The following STRN variants were observed in gnomAD, a reference collection of about 807,000 sequenced individuals.
STRN encodes striatin, also known as protein phosphatase 2 regulatory subunit B'''alpha.
In STRN, 53 loss-of-function variants were observed where a neutral mutation model predicts 96.3. The observed-to-expected ratio is 0.55, with a 90% confidence interval of 0.44 to 0.69. The LOEUF (loss-of-function observed/expected upper bound fraction) is 0.69, where lower values mean the gene tolerates loss of function less well. Ranked by LOEUF, STRN falls within the 30% of genes least tolerant of loss-of-function variation. The pLI, the probability that STRN is intolerant of heterozygous loss-of-function variation, is 0.00. For synonymous variants in STRN, 428 were observed against 355.9 expected, an observed-to-expected ratio of 1.20 and a Z score of -2.28; for missense variants, 987 against 963.9, an observed-to-expected ratio of 1.02 and a Z score of -0.32.
rs1486794295 is a variant in STRN, at chr2:36,869,680, G to A, written c.1373C>T (p.Thr458Ile). 2 of 1,611,466 alleles carry A rather than the reference G, an allele frequency of 1.2e-6. No individual in the cohort carries two copies. Among genetic ancestry groups the A allele is most frequent in the Non-Finnish European group, 1.7e-6 (2 of 1,178,882 alleles). Residue 458 changes from threonine to isoleucine, a missense_variant, in exon 11 of 18, where the codon ACA (threonine) becomes ATA (isoleucine). By Grantham distance (89) the Thr-to-Ile change is moderately conservative (BLOSUM62 -1). Transcript: ENST00000263918. ...GATGCCATCAAAGTGACTTCTCAATGTAAACTTAGGGTTCCATGTCTTCCT... is the reference window on the plus strand; with the variant it reads ...GATGCCATCAAAGTGACTTCTCAATATAAACTTAGGGTTCCATGTCTTCCT... ...ALRKTWNPKF[T>I]LRSHFDGIRA...
At chr2:36,964,914 G>C (rs1665122039) in intron 1 of STRN, among the ~76,000 whole-genome samples, 1 of 152,138 alleles carries the variant, frequency 6.6e-6, no homozygotes, top group Admixed American at 6.6e-5. Flanking sequence ...CAATACACAG[G>C]TGCTGAATAA....
At chr2:36,903,759 C>T (rs1465461908) in intron 4 of STRN, among the ~76,000 whole-genome samples, 1 of 152,274 alleles carries the variant, frequency 6.6e-6, no homozygotes, top group Non-Finnish European at 1.5e-5. Context: ...AATCAAGATG[C>T]TCATTTTTCA....
At chr2:36,861,066 T>C in intron 13 of STRN, 66 bp downstream of exon 13, 4 of 1,580,198 alleles carry the variant, frequency 2.5e-6, no homozygotes, top group Non-Finnish European at 3.4e-6. Flanking sequence ...CTTCCTTTTA[T>C]ATTCTATGAA....
chr2:36,922,904 G>C (rs1287079929), intron 2 of STRN, among the ~76,000 whole-genome samples: 2 of 152,182 alleles, frequency 1.3e-5, no homozygotes, highest in African/African-American at 4.8e-5. Context: ...AGCACTTTGG[G>C]AGGCTGAGGC....
At chr2:36,850,635 T>C (rs945937056) in intron 16 of STRN, among the ~76,000 whole-genome samples, 1 of 152,232 alleles carries the variant, frequency 6.6e-6, no homozygotes, top group Non-Finnish European at 1.5e-5. Flanking sequence ...AATGACCATA[T>C]GCCTCTATTT....
intron 3 of STRN, among the ~76,000 whole-genome samples, chr2:36,907,168 A>T (rs1011509114): frequency 2.0e-5 from 3 of 152,162 alleles, no homozygotes; most frequent in African/African-American, 7.2e-5. Context: ...CCTTGATCAA[A>T]CTCTAAAAAA....
chr2:36,862,667 C>T (rs538896165), intron 12 of STRN, among the ~76,000 whole-genome samples: 1 of 152,090 alleles, frequency 6.6e-6, no homozygotes, highest in South Asian at 2.1e-4. Flanking sequence ...TGTCTGTTGG[C>T]CGCATGTATG....
intron 1 of STRN, among the ~76,000 whole-genome samples, chr2:36,958,789 A>G (rs746226549): frequency 4.4e-4 from 67 of 152,228 alleles, no homozygotes; most frequent in Non-Finnish European, 7.2e-4. Context: ...AAGCCAATCC[A>G]CAAATTCAAG....
Position 36,849,328 on chromosome 2 carries a change from A to G in STRN, c.*128T>C. On this transcript the variant is annotated 3_prime_UTR_variant, in exon 18 of 18. Coordinates refer to ENST00000263918, the MANE Select transcript of STRN (RefSeq NM_003162.4). ...ATGAATTGCAAAACTATACTTCAAC[A>G]AATGTTCTCTGTGCTCCTTCAGCAG... The G allele has an allele frequency of 8.9e-7, 1 of 1,127,898 alleles. No homozygotes were observed. Among genetic ancestry groups the G allele is most frequent in the Non-Finnish European group, 1.2e-6 (1 of 801,360 alleles). 69.9% of individuals were successfully genotyped at this position (1,127,898 alleles called of 1,614,324 possible).
At chr2:36,889,702 T>C (rs1669336851) in intron 7 of STRN, among the ~76,000 whole-genome samples, 1 of 152,038 alleles carries the variant, frequency 6.6e-6, no homozygotes, top group Non-Finnish European at 1.5e-5. Flanking sequence ...TAGACAAGAT[T>C]TGCAACCTAG....
chr2:36,952,449 G>GAAAA (rs10557458), intron 1 of STRN, among the ~76,000 whole-genome samples: 1 of 76,906 alleles, frequency 1.3e-5, no homozygotes. Flanking sequence ...AAGCACGAGA[G>GAAAA]AAAAAAAAAA....
intron 6 of STRN, among the ~76,000 whole-genome samples, chr2:36,897,725 C>T (rs1397846822): frequency 3.3e-5 from 5 of 152,022 alleles, no homozygotes; most frequent in South Asian, 2.1e-4. Context: ...GTGTGAGCCA[C>T]CGTACCCAGC....
chr2:36,856,465 G>C (rs1668344155), intron 14 of STRN, among the ~76,000 whole-genome samples: 1 of 151,958 alleles, frequency 6.6e-6, no homozygotes, highest in African/African-American at 2.4e-5. Context: ...AAAAATGAAA[G>C]AAATAATTGA....
At chr2:36,904,161 CATATTTAAGATCAAA>C (rs1669758705) in intron 4 of STRN, among the ~76,000 whole-genome samples, 1 of 152,120 alleles carries the variant, frequency 6.6e-6, no homozygotes, top group Non-Finnish European at 1.5e-5. Flanking sequence ...ATGTATAAAT[CATATTTAAGATCAAA>C]GTGTGGGCAT....
intron 10 of STRN, among the ~76,000 whole-genome samples, chr2:36,871,444 T>A (rs925463927): frequency 6.6e-6 from 1 of 152,244 alleles, no homozygotes; most frequent in Non-Finnish European, 1.5e-5. Flanking sequence ...ACATGCTGTA[T>A]AGATTTGTAA....
chr2:36,893,874 G>T, intron 7 of STRN, 24 bp downstream of exon 7: 1 of 1,577,426 alleles, frequency 6.3e-7, no homozygotes, highest in Non-Finnish European at 8.6e-7. Context: ...AACATCTCTG[G>T]TTGGATCCAG....
chr2:36,860,225 G>T (rs187395817), intron 13 of STRN, among the ~76,000 whole-genome samples: 8 of 152,154 alleles, frequency 5.3e-5, no homozygotes, highest in South Asian at 2.1e-4. Flanking sequence ...TTCGAGTACA[G>T]TCACAAAAGA....
intron 15 of STRN, among the ~76,000 whole-genome samples, chr2:36,853,584 T>C (rs1328888229): frequency 6.6e-6 from 1 of 152,232 alleles, no homozygotes; most frequent in Non-Finnish European, 1.5e-5. Context: ...TTGTGACGTA[T>C]CTGCTTCAAC....
At chr2:36,935,860 T>C (rs1670688291) in intron 1 of STRN, among the ~76,000 whole-genome samples, 2 of 152,200 alleles carry the variant, frequency 1.3e-5, no homozygotes, top group African/African-American at 2.4e-5. Flanking sequence ...AACTAGAAAG[T>C]CTGTTTTTCC....
Sources: allele counts gnomAD v4.1 joint callset (sites outside exome capture counted in the v4.1 genomes callset), GRCh38; gene constraint gnomAD v4.1.1; transcripts MANE v1.5; gene names NCBI Gene and HGNC (gene_info 2026-07-23, HGNC 2026-07-21).